TNRC6B: variants seen among roughly 807,000 people sequenced by gnomAD.
TNRC6B encodes trinucleotide repeat-containing gene 6B protein.
Under a neutral mutation model 203.6 loss-of-function variants are expected in TNRC6B, and 52 were observed. The ratio of observed to expected loss-of-function variants is 0.26; its 90% CI spans 0.20 to 0.32. The LOEUF is 0.32. Among genes scored for constraint, TNRC6B ranks in the 10% least tolerant of loss-of-function variants. TNRC6B has a pLI of 1.00. For synonymous variants in TNRC6B, 838 were observed against 845.7 expected, an observed-to-expected ratio of 0.99 and a Z score of 0.16; for missense variants, 1,923 against 2,286.2, an observed-to-expected ratio of 0.84 and a Z score of 3.24.
In TNRC6B at chr22:40,328,386, A is replaced by G. The variant is rs769783330; in HGVS notation, c.*5145A>G. On this transcript the variant is annotated 3_prime_UTR_variant, in exon 23 of 23. Transcript: ENST00000454349. The stretch of plus-strand genomic sequence containing the variant: ...CAAACTCCTGTGGGTTGAATATGGT[A>G]TAGAAGGTATGCAAGAGGAAAAAGA... 6.6e-6 allele frequency: 1 copy of G among 152,348 alleles called. No individual in the cohort carries two copies. The highest frequency in any genetic ancestry group is 1.9e-4 in the East Asian group (1 of 5,184). The allele number at this position is 152,348 out of a possible 1,614,324, so 9.4% of individuals were successfully genotyped here.
At chr22:40,199,416 C>T (rs2069381066) in intron 1 of TNRC6B, among the ~76,000 whole-genome samples, 1 of 152,108 alleles carries the variant, frequency 6.6e-6, no homozygotes, top group Non-Finnish European at 1.5e-5. Flanking sequence ...TGCTAGGATG[C>T]AAAGAGAACA....
intron 1 of TNRC6B, among the ~76,000 whole-genome samples, chr22:40,078,071 G>C (rs2068033831): frequency 6.6e-6 from 1 of 152,214 alleles, no homozygotes; most frequent in South Asian, 2.1e-4. Context: ...GAATTGCTGG[G>C]TCACAGAGTA....
chr22:40,093,339 G>T (rs1465700074), intron 1 of TNRC6B, among the ~76,000 whole-genome samples: 1 of 152,182 alleles, frequency 6.6e-6, no homozygotes, highest in Non-Finnish European at 1.5e-5. Context: ...GAATTAGAAG[G>T]TTTCATATAA....
intron 2 of TNRC6B, among the ~76,000 whole-genome samples, chr22:40,124,411 C>T (rs924580466): frequency 1.3e-5 from 2 of 151,048 alleles, no homozygotes; most frequent in African/African-American, 2.4e-5. Flanking sequence ...CAGCCTTGAC[C>T]TCCTGGACTC....
intron 1 of TNRC6B, among the ~76,000 whole-genome samples, chr22:40,215,000 T>C (rs1223338771): frequency 7.6e-6 from 1 of 132,010 alleles, no homozygotes; most frequent in African/African-American, 2.4e-5. Context: ...TCTGTAATAA[T>C]TTTCTGTGCA....
chr22:40,302,361 G>A (rs370424862), intron 15 of TNRC6B, among the ~76,000 whole-genome samples: 178 of 152,246 alleles, frequency 1.2e-3, no homozygotes, highest in Non-Finnish European at 2.2e-3. Flanking sequence ...TGGGCCGCGC[G>A]CGGTGACTCA....
intron 1 of TNRC6B, among the ~76,000 whole-genome samples, chr22:40,187,098 A>G (rs2069214031): frequency 6.6e-6 from 1 of 152,264 alleles, no homozygotes; most frequent in Non-Finnish European, 1.5e-5. Flanking sequence ...AATACAGTTA[A>G]AAATTCAGTT....
At chr22:40,234,516 A>G (rs1233650261) in intron 1 of TNRC6B, among the ~76,000 whole-genome samples, 1 of 152,192 alleles carries the variant, frequency 6.6e-6, no homozygotes, top group African/African-American at 2.4e-5. Context: ...CAGCATTCTA[A>G]ATAAGAATCT....
chr22:40,208,745 C>G (rs1191495662), intron 1 of TNRC6B, among the ~76,000 whole-genome samples: 1 of 152,078 alleles, frequency 6.6e-6, no homozygotes, highest in Non-Finnish European at 1.5e-5. Context: ...AAATTTTTCT[C>G]CAGAAGTTTT....
At chr22:40,059,247 A>C (rs562854353) in intron 1 of TNRC6B, among the ~76,000 whole-genome samples, 59 of 152,346 alleles carry the variant, frequency 3.9e-4, no homozygotes, top group Non-Finnish European at 4.9e-4. Flanking sequence ...TGTCTTCCTG[A>C]AAGCCTTTCT....
In TNRC6B at chr22:40,275,450, T is replaced by A. The variant is rs758260335; in HGVS notation, c.3142-1627T>A. ...CTTTATATACCGAGGGCGTTTTTTT[T>A]AAAAATTGTGATAAAATACATATAA... is the stretch of plus-strand genomic sequence containing the variant. On this transcript the variant is annotated intron_variant, in intron 7 of 22. Transcript: ENST00000454349. 8.3e-4 allele frequency among the ~76,000 whole-genome samples: 127 copies of A among 152,316 alleles called. 1 individual carries two copies. Among genetic ancestry groups the A allele is most frequent in the Non-Finnish European group, 1.2e-3 (84 of 68,028 alleles).
intron 4 of TNRC6B, among the ~76,000 whole-genome samples, chr22:40,170,853 GTATA>G (rs1238495596): frequency 1.9e-5 from 2 of 105,184 alleles, no homozygotes; most frequent in Admixed American, 1.0e-4. Flanking sequence ...ATATATGTGT[GTATA>G]TATACATATA....
At chr22:40,262,818 T>A (rs2070407594) in intron 4 of TNRC6B, among the ~76,000 whole-genome samples, 1 of 152,040 alleles carries the variant, frequency 6.6e-6, no homozygotes. Context: ...GGCGGGTGGA[T>A]CACCAGGTCA....
chr22:40,146,073 C>G (rs2068693161), intron 3 of TNRC6B, among the ~76,000 whole-genome samples: 1 of 152,070 alleles, frequency 6.6e-6, no homozygotes, highest in Non-Finnish European at 1.5e-5. Flanking sequence ...AAGGGCAGAA[C>G]CTAGGGAAAT....
intron 12 of TNRC6B, among the ~76,000 whole-genome samples, chr22:40,298,754 C>A (rs2070979824): frequency 6.6e-6 from 1 of 151,462 alleles, no homozygotes; most frequent in South Asian, 2.1e-4. Flanking sequence ...ATCATGAGGT[C>A]AGGAGATTGA....
Position 40,273,474 on chromosome 22 carries a change from A to T in TNRC6B, c.3015A>T (p.Thr1005=). 1 of 1,609,796 alleles carries T rather than the reference A, an allele frequency of 6.2e-7. No individual in the cohort carries two copies. The highest frequency in any genetic ancestry group is 8.5e-7 in the Non-Finnish European group (1 of 1,177,998). The change falls in exon 7 of 23, where the codon ACA becomes ACT. Residue 1005 remains threonine (T), a synonymous_variant. Coordinates refer to ENST00000454349, the MANE Select transcript of TNRC6B (RefSeq NM_001162501.2). ...DGWGESDGPV[T]GARHPSWEEE... ...GGGGGGAGAGTGACGGGCCAGTCACAGGAGCTCGCCATCCCAGCTGGGAAG... is the reference window on the plus strand; with the variant it reads ...GGGGGGAGAGTGACGGGCCAGTCACTGGAGCTCGCCATCCCAGCTGGGAAG...
chr22:40,276,759 AAGT>A (rs2070650468), intron 7 of TNRC6B: 1 of 200,294 alleles, frequency 5.0e-6, no homozygotes, highest in East Asian at 1.1e-4. Context: ...ATGAAAGTGA[AAGT>A]AGTCGTGTGC....
At chr22:40,088,584 T>TTTTGTGTGTGTGTG (rs762534815) in intron 1 of TNRC6B, among the ~76,000 whole-genome samples, 1 of 125,136 alleles carries the variant, frequency 8.0e-6, no homozygotes, top group Non-Finnish European at 1.6e-5. Context: ...GCGGCTACTT[T>TTTTGTGTGTGTGTG]TGTGTGTGTG....
At chr22:40,272,619 A>G (rs892002518) in intron 6 of TNRC6B, among the ~76,000 whole-genome samples, 2 of 152,220 alleles carry the variant, frequency 1.3e-5, no homozygotes, top group Non-Finnish European at 2.9e-5. Flanking sequence ...GATTCTGTAC[A>G]GTATTTTCGG....
Sources: gnomAD v4.1 joint callset for allele counts (sites outside exome capture counted in the v4.1 genomes callset) on GRCh38, gnomAD v4.1.1 for gene constraint, MANE v1.5 for transcripts, NCBI Gene and HGNC (gene_info 2026-07-23, HGNC 2026-07-21) for gene names.